ESYT2: variants seen among roughly 807,000 people sequenced by gnomAD.
ESYT2 encodes extended synaptotagmin-2.
ESYT2 carries 54 observed loss-of-function variants against 107.2 expected under a neutral mutation model. The observed-to-expected ratio is 0.50, with a 90% CI of 0.40 to 0.63. The LOEUF is 0.63. Ranked by LOEUF, ESYT2 falls within the 30% of genes least tolerant of loss-of-function variation. The probability of loss-of-function intolerance (pLI) is 0.00; values close to 1 mark genes in which losing one functional copy is unlikely to be tolerated. For missense variants in ESYT2, 1,020 were observed against 1,094.5 expected (o/e 0.93, Z 0.96); for synonymous variants, 491 against 434.1 (o/e 1.13, Z -1.63).
At chr7:158,774,810 C>T (rs1838492646) in intron 6 of ESYT2, among the ~76,000 whole-genome samples, 1 of 152,216 alleles carries the variant, frequency 6.6e-6, no homozygotes, top group East Asian at 1.9e-4. Context: ...GCACCTCACA[C>T]AGCGCACCAT....
At chr7:158,751,295 C>T (rs1420414859) in intron 14 of ESYT2, among the ~76,000 whole-genome samples, 5 of 152,082 alleles carry the variant, frequency 3.3e-5, no homozygotes, top group East Asian at 1.9e-4. Context: ...CAAAACTTAG[C>T]GGCATTTAAA....
chr7:158,786,182 C>T (rs1434064146), intron 6 of ESYT2, among the ~76,000 whole-genome samples: 1 of 152,114 alleles, frequency 6.6e-6, no homozygotes. Context: ...GTAAAGTCAT[C>T]AATGGAAGAT....
chr7:158,760,210 C>G, intron 11 of ESYT2, 63 bp from the exon 12 acceptor site: 1 of 1,459,000 alleles, frequency 6.9e-7, no homozygotes, highest in Non-Finnish European at 9.6e-7. Context: ...CAAATTAAAC[C>G]CAGTCTCTAC....
At chr7:158,776,999 T>C (rs190840004) in intron 6 of ESYT2, among the ~76,000 whole-genome samples, 1 of 152,072 alleles carries the variant, frequency 6.6e-6, no homozygotes, top group Non-Finnish European at 1.5e-5. Context: ...ACTACAGGCA[T>C]ACACTACTAC....
At chr7:158,762,524 T>C (rs1253918303) in intron 10 of ESYT2, among the ~76,000 whole-genome samples, 1 of 151,466 alleles carries the variant, frequency 6.6e-6, no homozygotes, top group Non-Finnish European at 1.5e-5. Context: ...AATAACTTAA[T>C]TAGGTTAAAT....
chr7:158,748,721 TA>T (rs1240794779), intron 15 of ESYT2, among the ~76,000 whole-genome samples: 1 of 151,964 alleles, frequency 6.6e-6, no homozygotes, highest in Non-Finnish European at 1.5e-5. Context: ...TTTTATTTTT[TA>T]TTTTTTTTTG....
At chr7:158,811,090 G>A (rs1044288056) in intron 1 of ESYT2, among the ~76,000 whole-genome samples, 3 of 151,834 alleles carry the variant, frequency 2.0e-5, no homozygotes, top group Non-Finnish European at 4.4e-5. Flanking sequence ...AGCCCAGGAG[G>A]TCAAGACTGC....
At chr7:158,816,705 C>G (rs12670758) in intron 1 of ESYT2, among the ~76,000 whole-genome samples, 21,085 of 152,234 alleles carry the variant, frequency 0.14, 2,465 homozygotes, top group East Asian at 0.59. Flanking sequence ...CTCCAGTACT[C>G]ACGTTGACAT....
At chr7:158,767,630 G>A in intron 8 of ESYT2, 24 bp downstream of exon 8, 1 of 1,601,654 alleles carries the variant, frequency 6.2e-7, no homozygotes, top group Non-Finnish European at 8.5e-7. Flanking sequence ...TTTTAAATGT[G>A]AATGGATGCC....
At chr7:158,828,686 T>G (rs967973824) in intron 1 of ESYT2, among the ~76,000 whole-genome samples, 1 of 152,014 alleles carries the variant, frequency 6.6e-6, no homozygotes, top group Admixed American at 6.5e-5. Flanking sequence ...CACTCAGGAC[T>G]AGGGCGGGAG....
Position 158,828,924 on chromosome 7 carries a change from C to T in ESYT2, c.330+165G>A, listed in dbSNP as rs537686774. ...ACTCGCCCAGGCGGAAGGGAAGCGC[C>T]TGCCTGGACCGGGGTGGGTGGGGGA... On this transcript the variant is annotated intron_variant, in intron 1 of 22. Transcript: ENST00000275418. Among the ~76,000 whole-genome samples the T allele has an allele frequency of 3.5e-5, 5 of 140,950 alleles. 1 individual carries two copies. In the South Asian group the frequency reaches 1.2e-3, roughly 35 times the overall value. The allele number at this position is 140,950 out of a possible 152,430, so 92.5% of individuals were successfully genotyped here. A position where few individuals can be genotyped will look rare whatever the true frequency, so the allele number is the denominator to read the frequency against.
chr7:158,743,444 G>C (rs998483722), intron 17 of ESYT2, 85 bp downstream of exon 17: 1 of 1,519,878 alleles, frequency 6.6e-7, no homozygotes, highest in Non-Finnish European at 8.8e-7. Context: ...TTTCTTCACC[G>C]GCCTCATGCC....
intron 1 of ESYT2, among the ~76,000 whole-genome samples, chr7:158,799,610 G>GACA (rs1485172097): frequency 6.6e-6 from 1 of 152,040 alleles, no homozygotes; most frequent in Non-Finnish European, 1.5e-5. Context: ...CCCTAGTCTG[G>GACA]ACAACATAAT....
intron 7 of ESYT2, among the ~76,000 whole-genome samples, chr7:158,771,451 G>T (rs1838367320): frequency 6.6e-6 from 1 of 152,254 alleles, no homozygotes; most frequent in South Asian, 2.1e-4. Flanking sequence ...GTGTATGTGA[G>T]ATTGAAACCT....
chr7:158,773,240 G>T, intron 7 of ESYT2, 101 bp downstream of exon 7: 1 of 1,273,946 alleles, frequency 7.8e-7, no homozygotes. Context: ...CATTCACCTG[G>T]CAGACGCAGG....
At chr7:158,788,289 C>T in intron 5 of ESYT2, 56 bp downstream of exon 5, 1 of 1,490,494 alleles carries the variant, frequency 6.7e-7, no homozygotes, top group Non-Finnish European at 9.1e-7. Flanking sequence ...TTTTTGAATA[C>T]AGCTTAGAGA....
chr7:158,796,680 C>T (rs989952679), intron 3 of ESYT2, among the ~76,000 whole-genome samples: 2 of 152,178 alleles, frequency 1.3e-5, no homozygotes, highest in Non-Finnish European at 2.9e-5. Context: ...GACGGCACCG[C>T]GGACAAGAAG....
chr7:158,815,344 A>G (rs1343918865), intron 1 of ESYT2, among the ~76,000 whole-genome samples: 1 of 152,144 alleles, frequency 6.6e-6, no homozygotes, highest in Non-Finnish European at 1.5e-5. Flanking sequence ...CCGCAGCCCC[A>G]GCCTCAAACT....
At chr7:158,755,277 G>T (rs530955414) in intron 13 of ESYT2, among the ~76,000 whole-genome samples, 1 of 152,218 alleles carries the variant, frequency 6.6e-6, no homozygotes, top group Non-Finnish European at 1.5e-5. Context: ...AAACTGAGAA[G>T]CACTGATCTG....
Sources: allele counts gnomAD v4.1 joint callset (sites outside exome capture counted in the v4.1 genomes callset), GRCh38; gene constraint gnomAD v4.1.1; transcripts MANE v1.5; gene names NCBI Gene and HGNC (gene_info 2026-07-23, HGNC 2026-07-21).